Variants in HS6ST2 observed in about 807,000 individuals in gnomAD.
HS6ST2 encodes heparan-sulfate 6-O-sulfotransferase 2.
In HS6ST2, 17 loss-of-function variants were observed where a neutral mutation model predicts 33.0. That is an observed-to-expected ratio of 0.52 (90% confidence interval 0.35 to 0.77). HS6ST2 has a LOEUF of 0.77. Ranked by LOEUF, HS6ST2 falls within the 30% of genes least tolerant of loss-of-function variation. The pLI is 0.01. For synonymous variants in HS6ST2, 248 were observed against 237.1 expected (o/e 1.05, Z -0.42); for missense variants, 519 against 551.7 (o/e 0.94, Z 0.59).
Position 132,664,031 on chromosome X carries a change from G to A in HS6ST2, c.1067+5082C>T, listed in dbSNP as rs141865601. Among the ~76,000 whole-genome samples, 935 of 111,807 alleles carry A rather than the reference G, an allele frequency of 8.4e-3. 3 individuals carry two copies. The highest frequency in any genetic ancestry group is 0.014 in the Non-Finnish European group (742 of 53,117). On this transcript the variant is annotated intron_variant, in intron 4 of 4. Coordinates refer to ENST00000370833, the MANE Select transcript of HS6ST2 (RefSeq NM_001394073.1). ...CATTTTTTTCTTTTCTTTTTTTTGAGACGGAGTCTCACTCTGTCACCCAGG... is the reference window on the plus strand; with the variant it reads ...CATTTTTTTCTTTTCTTTTTTTTGAAACGGAGTCTCACTCTGTCACCCAGG...
chrX:132,690,809 T>A (rs1465673846), intron 3 of HS6ST2, among the ~76,000 whole-genome samples: 3 of 111,897 alleles, frequency 2.7e-5, no homozygotes, highest in African/African-American at 9.7e-5. Context: ...AAGTGAAACC[T>A]TTCTCAGCCC....
intron 2 of HS6ST2, among the ~76,000 whole-genome samples, chrX:132,872,974 A>T (rs1334169024): frequency 1.8e-5 from 2 of 111,472 alleles, no homozygotes; most frequent in East Asian, 5.7e-4. Context: ...TGGCTAAATC[A>T]CTTGAATGCC....
At chrX:132,956,731 C>G (rs2067076783) in intron 2 of HS6ST2, 77 bp downstream of exon 2, 3 of 1,071,544 alleles carry the variant, frequency 2.8e-6, no homozygotes, top group Non-Finnish European at 3.7e-6. Context: ...GCTAGGTCCC[C>G]GGCTTGGGCC....
chrX:132,723,447 A>G (rs1026575162), intron 2 of HS6ST2, among the ~76,000 whole-genome samples: 4 of 112,268 alleles, frequency 3.6e-5, no homozygotes, highest in Non-Finnish European at 7.5e-5. Flanking sequence ...AACTGAATTC[A>G]ACAATATATT....
intron 4 of HS6ST2, among the ~76,000 whole-genome samples, chrX:132,657,857 C>G (rs1019335766): frequency 2.8e-5 from 3 of 107,876 alleles, no homozygotes; most frequent in African/African-American, 1.0e-4. Flanking sequence ...ACAACATACC[C>G]TGGTGCCTAG....
chrX:132,798,944 G>A (rs927189400), intron 2 of HS6ST2, among the ~76,000 whole-genome samples: 1 of 111,898 alleles, frequency 8.9e-6, no homozygotes, highest in African/African-American at 3.2e-5. Flanking sequence ...TCATGTCTAT[G>A]TCCCCAGAAC....
chrX:132,719,200 G>A (rs2064305819), intron 2 of HS6ST2, among the ~76,000 whole-genome samples: 1 of 111,579 alleles, frequency 9.0e-6, no homozygotes, highest in African/African-American at 3.3e-5. Flanking sequence ...ATCAAAGTTG[G>A]AAGGTACCCT....
intron 2 of HS6ST2, among the ~76,000 whole-genome samples, chrX:132,825,269 A>G (rs2065506572): frequency 8.9e-6 from 1 of 111,793 alleles, no homozygotes; most frequent in Non-Finnish European, 1.9e-5. Flanking sequence ...GAGGAAACCA[A>G]CTAGTGGAAC....
intron 2 of HS6ST2, among the ~76,000 whole-genome samples, chrX:132,813,303 T>A (rs1305007681): frequency 1.8e-5 from 2 of 111,755 alleles, no homozygotes; most frequent in African/African-American, 6.5e-5. Context: ...CTTATTGAAA[T>A]TCCCTTCTCC....
intron 2 of HS6ST2, among the ~76,000 whole-genome samples, chrX:132,729,049 A>G (rs761743990): frequency 8.9e-6 from 1 of 112,003 alleles, no homozygotes; most frequent in South Asian, 3.8e-4. Flanking sequence ...ATGTGCTAAG[A>G]CTGTCACTGT....
chrX:132,908,927 A>G (rs1219477673), intron 2 of HS6ST2, among the ~76,000 whole-genome samples: 1 of 101,670 alleles, frequency 9.8e-6, no homozygotes, highest in African/African-American at 3.6e-5. Flanking sequence ...TTCTTGTGCC[A>G]TTGCTTTCCT....
In HS6ST2 at chrX:132,808,459, C is replaced by T. The variant is rs769566438; in HGVS notation, c.948-99965G>A. 1.3e-3 allele frequency among the ~76,000 whole-genome samples: 149 copies of T among 111,916 alleles called. 1 individual carries two copies. Among genetic ancestry groups the T allele is most frequent in the African/African-American group, 4.5e-3 (139 of 30,836 alleles). ...GGGAGGGCATTATCAGGCTACCCCA[C>T]TTGCCTGGGCTCATGGCTCCACTTT... is the stretch of plus-strand genomic sequence containing the variant. On this transcript the variant is annotated intron_variant, in intron 2 of 4. Coordinates refer to ENST00000370833, the MANE Select transcript of HS6ST2 (RefSeq NM_001394073.1).
At chrX:132,804,747 C>T (rs918177783) in intron 2 of HS6ST2, among the ~76,000 whole-genome samples, 11 of 110,930 alleles carry the variant, frequency 9.9e-5, no homozygotes, top group Non-Finnish European at 1.7e-4. Context: ...TGCTATGAGC[C>T]GAGATCAAAC....
intron 2 of HS6ST2, among the ~76,000 whole-genome samples, chrX:132,722,727 A>G (rs960889673): frequency 7.2e-5 from 8 of 111,406 alleles, no homozygotes; most frequent in Non-Finnish European, 1.1e-4. Flanking sequence ...TTAGGTCCCA[A>G]TTATGAATTA....
intron 2 of HS6ST2, among the ~76,000 whole-genome samples, chrX:132,774,727 C>G (rs1446768787): frequency 1.8e-5 from 2 of 110,876 alleles, no homozygotes; most frequent in African/African-American, 3.3e-5. Context: ...GTCGCCCAGG[C>G]TGGAGTGCAG....
intron 2 of HS6ST2, among the ~76,000 whole-genome samples, chrX:132,710,802 G>A (rs2064224840): frequency 9.0e-6 from 1 of 111,650 alleles, no homozygotes; most frequent in Non-Finnish European, 1.9e-5. Flanking sequence ...CCACTTGCTT[G>A]CACCTTGAAA....
chrX:132,672,309 G>C (rs749157891), intron 3 of HS6ST2, among the ~76,000 whole-genome samples: 4 of 108,616 alleles, frequency 3.7e-5, no homozygotes, highest in South Asian at 4.2e-4. Context: ...AGATTGGTGG[G>C]GGGGGGTGGG....
chrX:132,825,544 G>A (rs1402148040), intron 2 of HS6ST2, among the ~76,000 whole-genome samples: 1 of 111,458 alleles, frequency 9.0e-6, no homozygotes, highest in Non-Finnish European at 1.9e-5. Context: ...TAAATGCTCT[G>A]AACTCAGAAG....
chrX:132,862,810 C>T (rs927862171), intron 2 of HS6ST2, among the ~76,000 whole-genome samples: 1 of 112,011 alleles, frequency 8.9e-6, no homozygotes, highest in African/African-American at 3.2e-5. Context: ...CACAATCTAG[C>T]ACATAGTAAT....
Sources: allele counts gnomAD v4.1 joint callset (sites outside exome capture counted in the v4.1 genomes callset), GRCh38; gene constraint gnomAD v4.1.1; transcripts MANE v1.5; gene names NCBI Gene and HGNC (gene_info 2026-07-23, HGNC 2026-07-21).